Variants in UCHL3 observed in about 807,000 individuals in gnomAD.
UCHL3 encodes ubiquitin C-terminal hydrolase L3.
In UCHL3, 22 loss-of-function variants were observed where a neutral mutation model predicts 35.8. The ratio of observed to expected loss-of-function variants is 0.61; its 90% confidence interval spans 0.44 to 0.88. The LOEUF (loss-of-function observed/expected upper bound fraction) is 0.88. UCHL3 is among the 40% of genes least tolerant of loss of function. The pLI is 0.00. For synonymous variants in UCHL3, 90 were observed against 92.8 expected, an observed-to-expected ratio of 0.97 and a Z score of 0.17; for missense variants, 229 against 276.9, an observed-to-expected ratio of 0.83 and a Z score of 1.23.
chr13:75,604,917 A>G, intron 8 of UCHL3, 90 bp downstream of exon 8: 1 of 1,107,962 alleles, frequency 9.0e-7, no homozygotes, highest in Non-Finnish European at 1.3e-6. Context: ...TTTTCTTTGT[A>G]TTTGGATACT....
Position 75,588,044 on chromosome 13 carries a change from C to T in UCHL3, c.475-6871C>T, listed in dbSNP as rs1311560209. Among the ~76,000 whole-genome samples, 4 of 151,992 alleles carry T rather than the reference C, an allele frequency of 2.6e-5. No individual in the cohort carries two copies. In the South Asian group the frequency reaches 6.2e-4, roughly 24 times the overall value. Reference sequence around the variant, plus strand: ...GTAATAATTTTTTTTTTTCTCTGACCCAGGCATCTCATGCCTTTTGCCAAT... The same window carrying T: ...GTAATAATTTTTTTTTTTCTCTGACTCAGGCATCTCATGCCTTTTGCCAAT... On this transcript the variant is annotated intron_variant, in intron 6 of 8. Transcript: ENST00000377595.
intron 2 of UCHL3, among the ~76,000 whole-genome samples, chr13:75,556,929 G>T (rs997091617): frequency 3.9e-5 from 6 of 152,204 alleles, no homozygotes; most frequent in Non-Finnish European, 7.3e-5. Flanking sequence ...GCTGGTAAAA[G>T]GATACACTGG....
intron 6 of UCHL3, among the ~76,000 whole-genome samples, chr13:75,570,681 G>T (rs1053263612): frequency 6.6e-6 from 1 of 152,346 alleles, no homozygotes; most frequent in African/African-American, 2.4e-5. Flanking sequence ...AGTTAAAGCA[G>T]AAGGATCGCT....
chr13:75,604,972 AT>A, intron 8 of UCHL3, 145 bp downstream of exon 8: 1 of 569,960 alleles, frequency 1.8e-6, no homozygotes, highest in South Asian at 5.6e-5. Context: ...GAAAATTTAT[AT>A]TAGTGTTAAA....
chr13:75,571,012 C>G (rs2031838751), intron 6 of UCHL3, among the ~76,000 whole-genome samples: 2 of 151,992 alleles, frequency 1.3e-5, no homozygotes, highest in African/African-American at 2.4e-5. Context: ...CATAAGAGGC[C>G]CGTCTAAAAG....
upstream of UCHL3, chr13:75,549,765 CGGCGGCGGCGGCG>C: frequency 6.9e-7 from 1 of 1,453,930 alleles, no homozygotes; most frequent in South Asian, 1.4e-5. Context: ...TGGGCGGAAG[CGGCGGCGGCGGCG>C]AAGGCGGCGG....
chr13:75,561,963 G>A (rs2031532137), intron 3 of UCHL3, among the ~76,000 whole-genome samples: 4 of 151,948 alleles, frequency 2.6e-5, no homozygotes, highest in South Asian at 4.1e-4. Context: ...AGATTTTGAG[G>A]CTATATCCTT....
intron 6 of UCHL3, among the ~76,000 whole-genome samples, chr13:75,570,691 T>C (rs2031827434): frequency 6.6e-6 from 1 of 152,208 alleles, no homozygotes; most frequent in South Asian, 2.1e-4. Context: ...GAAGGATCGC[T>C]TGAGGCCAGG....
intron 6 of UCHL3, among the ~76,000 whole-genome samples, chr13:75,592,459 T>TGTATATACATATATAC (rs2032533908): frequency 9.1e-6 from 1 of 110,074 alleles, no homozygotes; most frequent in Non-Finnish European, 2.0e-5. Flanking sequence ...TATATATATA[T>TGTATATACATATATAC]ATATATATGA....
intron 6 of UCHL3, among the ~76,000 whole-genome samples, chr13:75,579,740 A>G (rs1275823235): frequency 6.6e-6 from 1 of 152,202 alleles, no homozygotes; most frequent in Non-Finnish European, 1.5e-5. Context: ...AGCAATAAAA[A>G]TAGAACTGAT....
At chr13:75,604,738 A>G in intron 7 of UCHL3, 31 bp from the exon 8 acceptor site, 1 of 1,569,398 alleles carries the variant, frequency 6.4e-7, no homozygotes, top group South Asian at 1.2e-5. Context: ...AAAAACAGCT[A>G]AGCATTCAAT....
chr13:75,557,789 T>C (rs2138460260), intron 2 of UCHL3, among the ~76,000 whole-genome samples: 1 of 152,348 alleles, frequency 6.6e-6, no homozygotes, highest in Admixed American at 6.5e-5. Flanking sequence ...CATATAATTA[T>C]TGTAAAACTA....
At chr13:75,552,345 T>A (rs2031141167) in intron 2 of UCHL3, among the ~76,000 whole-genome samples, 1 of 152,232 alleles carries the variant, frequency 6.6e-6, no homozygotes. Context: ...CATCCCACTC[T>A]CTTTTATTTC....
chr13:75,580,594 C>T (rs557768105), intron 6 of UCHL3, among the ~76,000 whole-genome samples: 1 of 152,350 alleles, frequency 6.6e-6, no homozygotes, highest in African/African-American at 2.4e-5. Context: ...TGCTCACCAG[C>T]TTTCAAGTAT....
chr13:75,577,911 A>G (rs772512865), intron 6 of UCHL3, among the ~76,000 whole-genome samples: 65 of 152,132 alleles, frequency 4.3e-4, no homozygotes, highest in Non-Finnish European at 8.1e-4. Context: ...ATGGGTAGAG[A>G]TCACCTTATG....
chr13:75,577,962 A>AC lies in UCHL3; in HGVS notation c.474+8462dup, dbSNP rs369120684. Among the ~76,000 whole-genome samples, 571 of 151,892 alleles carry AC rather than the reference A, an allele frequency of 3.8e-3. 3 individuals are homozygous for AC. The highest frequency in any genetic ancestry group is 0.013 in the African/African-American group (551 of 41,392). ...TTTTAAGTTTGTTGTACTGCCCAGA[A>AC]CCCCCCCATGTAAATTAATAATAAT... On this transcript the variant is annotated intron_variant, in intron 6 of 8. Transcript: ENST00000377595.
intron 5 of UCHL3, among the ~76,000 whole-genome samples, chr13:75,567,872 CT>C (rs1377056063): frequency 6.6e-6 from 1 of 151,974 alleles, no homozygotes; most frequent in African/African-American, 2.4e-5. Context: ...AATAAAATAT[CT>C]TATGATTGAC....
At position 75,605,837 on chromosome 13, in the gene UCHL3, A is replaced by G. The variant is rs1378103361; in HGVS notation, c.*25A>G. ...GCTTGTCAATAATGGAAACACCAAA[A>G]ACTGTATTATTTGCAACTAAATTTT... On this transcript the variant is annotated 3_prime_UTR_variant, in exon 9 of 9. Transcript: ENST00000377595. 6.2e-7 allele frequency: 1 copy of G among 1,608,576 alleles called. No homozygotes were observed. Among genetic ancestry groups the G allele is most frequent in the Non-Finnish European group, 8.5e-7 (1 of 1,177,346 alleles).
In UCHL3 at chr13:75,550,136, C is replaced by A. The variant is rs189993642; in HGVS notation, c.54+149C>A. The A allele has an allele frequency of 1.9e-3, 2,437 of 1,293,434 alleles. 17 individuals carry two copies. Among genetic ancestry groups the A allele is most frequent in the Non-Finnish European group, 2.2e-3 (1,938 of 901,364 alleles). The allele number at this position is 1,293,434 out of a possible 1,614,324, so 80.1% of individuals were successfully genotyped here. On this transcript the variant is annotated intron_variant, in intron 2 of 8. Coordinates refer to ENST00000377595, the MANE Select transcript of UCHL3 (RefSeq NM_006002.5). The stretch of plus-strand genomic sequence containing the variant: ...TGTTCGGCTTTACGCGGGTCCGCCC[C>A]TTTCAGAAAGGGCCATCTCGCTGCC...
Sources: allele counts gnomAD v4.1 joint callset (sites outside exome capture counted in the v4.1 genomes callset), GRCh38; gene constraint gnomAD v4.1.1; transcripts MANE v1.5; gene names NCBI Gene and HGNC (gene_info 2026-07-23, HGNC 2026-07-21).